ADGRB3: variants seen among roughly 807,000 people sequenced by gnomAD.
ADGRB3 encodes the protein brain-specific angiogenesis inhibitor 3.
ADGRB3 carries 37 observed loss-of-function variants against 193.4 expected under a neutral mutation model. The ratio of observed to expected loss-of-function variants is 0.19; its 90% CI spans 0.15 to 0.25. The LOEUF is 0.25. ADGRB3 is among the 10% of genes least tolerant of loss of function. The pLI, the probability that ADGRB3 is intolerant of heterozygous loss-of-function variation, is 1.00. For missense variants in ADGRB3, 1,637 were observed against 1,852.9 expected (o/e 0.88, Z 2.14); for synonymous variants, 690 against 644.2 (o/e 1.07, Z -1.08).
chr6:69,100,558 T>A (rs1773002824), intron 17 of ADGRB3, among the ~76,000 whole-genome samples: 1 of 152,064 alleles, frequency 6.6e-6, no homozygotes, highest in Admixed American at 6.6e-5. Context: ...CCATATTAAA[T>A]GCTTTTTGGC....
rs76098481 is a variant in ADGRB3, at chr6:69,204,292, AT to A, written c.2481-28990del. Among the ~76,000 whole-genome samples, 160 of 152,094 alleles carry A rather than the reference AT, an allele frequency of 1.1e-3. 1 individual carries two copies. The East Asian group carries it at 0.026, about 25-fold the overall frequency. On this transcript the variant is annotated intron_variant, in intron 17 of 31. Transcript: ENST00000370598. Reference sequence around the variant, plus strand: ...ATTTTTTTATTGATACTTAAATCACATTTTTTTTCCTGCAACACTAATAAAA... The same window carrying A: ...ATTTTTTTATTGATACTTAAATCACATTTTTTTCCTGCAACACTAATAAAA...
chr6:68,643,047 A>G (rs1768118157), intron 3 of ADGRB3, among the ~76,000 whole-genome samples: 1 of 152,056 alleles, frequency 6.6e-6, no homozygotes, highest in Non-Finnish European at 1.5e-5. Context: ...TGGCAGAAAA[A>G]TTCTACACCA....
intron 3 of ADGRB3, among the ~76,000 whole-genome samples, chr6:68,875,441 A>G (rs1247588227): frequency 6.6e-6 from 1 of 151,702 alleles, no homozygotes; most frequent in African/African-American, 2.4e-5. Context: ...CCCCTAGCTA[A>G]TTACTAATAA....
intron 3 of ADGRB3, among the ~76,000 whole-genome samples, chr6:68,910,517 T>G (rs979992397): frequency 1.7e-4 from 26 of 152,236 alleles, no homozygotes; most frequent in African/African-American, 6.3e-4. Context: ...TAGGTTTTCT[T>G]CTAGGGTTTT....
At chr6:68,979,378 A>G (rs1768841327) in intron 10 of ADGRB3, among the ~76,000 whole-genome samples, 1 of 151,418 alleles carries the variant, frequency 6.6e-6, no homozygotes, top group Admixed American at 6.6e-5. Context: ...GTGATTGGTG[A>G]CATCACTTTA....
chr6:68,763,544 T>C (rs1380863391), intron 3 of ADGRB3, among the ~76,000 whole-genome samples: 1 of 152,218 alleles, frequency 6.6e-6, no homozygotes, highest in Non-Finnish European at 1.5e-5. Context: ...TATGTTTTGC[T>C]CATATTAAAG....
At chr6:69,168,517 A>G (rs1466185903) in intron 17 of ADGRB3, among the ~76,000 whole-genome samples, 8 of 152,146 alleles carry the variant, frequency 5.3e-5, no homozygotes, top group Non-Finnish European at 1.2e-4. Context: ...AATGTTTTCG[A>G]AAACTAGTCT....
intron 20 of ADGRB3, among the ~76,000 whole-genome samples, chr6:69,259,523 G>A (rs763854011): frequency 3.8e-4 from 58 of 151,872 alleles, no homozygotes; most frequent in Non-Finnish European, 7.5e-4. Context: ...GTGAAACCCA[G>A]TCTCTGCTAA....
chr6:68,811,887 A>T (rs9454624), intron 3 of ADGRB3, among the ~76,000 whole-genome samples: 38,180 of 152,072 alleles, frequency 0.25, 5,846 homozygotes, highest in Non-Finnish European at 0.35. Flanking sequence ...ACACTTATAT[A>T]CACACAATTA....
chr6:69,065,652 A>G (rs1771878827), intron 16 of ADGRB3, among the ~76,000 whole-genome samples: 1 of 152,004 alleles, frequency 6.6e-6, no homozygotes. Context: ...TGAAGAGAAG[A>G]CAAAAAAGAT....
chr6:68,694,467 G>A (rs1765124854), intron 3 of ADGRB3, among the ~76,000 whole-genome samples: 1 of 151,922 alleles, frequency 6.6e-6, no homozygotes, highest in African/African-American at 2.4e-5. Context: ...TCAAGGCACT[G>A]GTATGGGAGT....
intron 3 of ADGRB3, among the ~76,000 whole-genome samples, chr6:68,701,955 G>A (rs1013309096): frequency 4.6e-5 from 7 of 152,020 alleles, no homozygotes; most frequent in African/African-American, 9.7e-5. Context: ...TTCAAGCTAC[G>A]GGATACAGGA....
rs558613597 is a variant in ADGRB3 at position 68,791,049 on chromosome 6, T to TAC, written c.758-139509_758-139508insCA. 2.7e-3 allele frequency among the ~76,000 whole-genome samples: 266 copies of TAC among 97,352 alleles called. 4 individuals are homozygous for TAC. The highest frequency in any genetic ancestry group is 0.01 in the East Asian group (16 of 1,528). The allele number at this position is 97,352 out of a possible 152,430, so 63.9% of individuals were successfully genotyped here. ...GGCAGCACAGTGAGACCACATCTCT[T>TAC]AAAAAAAAAAAAAAAAAGTCTTGTA... On this transcript the variant is annotated intron_variant, in intron 3 of 31. Coordinates refer to ENST00000370598, the MANE Select transcript of ADGRB3 (RefSeq NM_001704.3).
At position 69,021,942 on chromosome 6, in the gene ADGRB3, T is replaced by A. The variant is rs117000096; in HGVS notation, c.2107+3443T>A. On this transcript the variant is annotated intron_variant, in intron 13 of 31. Coordinates refer to ENST00000370598, the MANE Select transcript of ADGRB3 (RefSeq NM_001704.3). ...TAGCTTTGATCTTTTTCTTAAAAGA[T>A]TTATGATCTCAAAACGTTTAGCAGA... Among the ~76,000 whole-genome samples, 1,112 of 151,934 alleles carry A rather than the reference T, an allele frequency of 7.3e-3. 22 individuals are homozygous for A. Among genetic ancestry groups the A allele is most frequent in the Middle Eastern group, 0.031 (9 of 294 alleles).
rs1768026420 is a variant in ADGRB3, at chr6:68,639,322, A to G, written c.647A>G (p.Asn216Ser). The G allele has an allele frequency of 1.9e-6, 3 of 1,614,038 alleles. No individual in the cohort carries two copies. Among genetic ancestry groups the G allele is most frequent in the South Asian group, 1.1e-5 (1 of 91,086 alleles). ...GIDDQSLILL[N>S]NVVLPLNEQT... ...GACGACCAGTCGCTGATTTTGTTAA[A>G]TAACGTGGTGTTACCCCTGAATGAG... The change falls in exon 3 of 32, where the codon AAT (asparagine) becomes AGT (serine). Residue 216 changes from asparagine to serine, a missense_variant. Coordinates refer to ENST00000370598, the MANE Select transcript of ADGRB3 (RefSeq NM_001704.3).
intron 3 of ADGRB3, among the ~76,000 whole-genome samples, chr6:68,679,960 T>A (rs2746139): frequency 0.021 from 3,136 of 152,088 alleles, 107 homozygotes; most frequent in African/African-American, 0.069. Context: ...TATTAGGAGG[T>A]AGTGCCTTCA....
chr6:68,739,183 C>CT (rs1283098426), intron 3 of ADGRB3, among the ~76,000 whole-genome samples: 1 of 152,018 alleles, frequency 6.6e-6, no homozygotes, highest in Non-Finnish European at 1.5e-5. Flanking sequence ...AGGTAGAAGG[C>CT]TGAATGACCT....
intron 17 of ADGRB3, 67 bp downstream of exon 17, chr6:69,076,105 C>T: frequency 7.3e-7 from 1 of 1,378,342 alleles, no homozygotes; most frequent in Non-Finnish European, 1.0e-6. Context: ...GTTAGTTCAG[C>T]TGCCTGCTAG....
At chr6:69,242,883 C>T (rs1216086332) in intron 20 of ADGRB3, among the ~76,000 whole-genome samples, 1 of 151,800 alleles carries the variant, frequency 6.6e-6, no homozygotes, top group Non-Finnish European at 1.5e-5. Context: ...TTCCTTTACA[C>T]CTTTAAGTAT....
Sources: gnomAD v4.1 joint callset for allele counts (sites outside exome capture counted in the v4.1 genomes callset) on GRCh38, gnomAD v4.1.1 for gene constraint, MANE v1.5 for transcripts, NCBI Gene and HGNC (gene_info 2026-07-23, HGNC 2026-07-21) for gene names.